GRM1: variants seen among roughly 807,000 people sequenced by gnomAD.
GRM1 encodes metabotropic glutamate receptor 1.
GRM1 carries 33 observed loss-of-function variants against 90.9 expected under a neutral mutation model. That is an observed-to-expected ratio of 0.36 (90% CI 0.28 to 0.49). The LOEUF (loss-of-function observed/expected upper bound fraction) is 0.49. Among genes scored for constraint, GRM1 ranks in the 20% least tolerant of loss-of-function variants. The pLI is 0.99. For synonymous variants in GRM1, 700 were observed against 613.2 expected (o/e 1.14, Z -2.09); for missense variants, 1,190 against 1,534.3 (o/e 0.78, Z 3.75).
At chr6:146,052,814 G>A (rs897602934) in intron 1 of GRM1, among the ~76,000 whole-genome samples, 1 of 151,762 alleles carries the variant, frequency 6.6e-6, no homozygotes, top group Non-Finnish European at 1.5e-5. Context: ...TTTACTTTGT[G>A]CCATTTCCTA....
intron 3 of GRM1, among the ~76,000 whole-genome samples, chr6:146,350,147 A>G (rs1236181396): frequency 2.0e-5 from 3 of 152,246 alleles, no homozygotes; most frequent in Admixed American, 6.5e-5. Context: ...AGTGCTGATG[A>G]ATGAAGTATC....
intron 5 of GRM1, among the ~76,000 whole-genome samples, chr6:146,373,177 C>T (rs747312112): frequency 3.9e-5 from 6 of 151,924 alleles, no homozygotes; most frequent in Non-Finnish European, 8.8e-5. Context: ...AGAGATCTTC[C>T]ACCTCTTTTG....
rs369810496 is a variant in GRM1, at chr6:146,385,811, G to A, written c.1603-1079G>A. On this transcript the variant is annotated intron_variant, in intron 5 of 7. Coordinates refer to ENST00000282753, the MANE Select transcript of GRM1 (RefSeq NM_001278064.2). ...AACCCAAAGGACGGGAGGGGAAAAT[G>A]GAAGAATATTACTGTAGGGTTCTTA... Among the ~76,000 whole-genome samples the A allele has an allele frequency of 5.3e-5, 8 of 152,048 alleles. No homozygotes were observed. In the East Asian group the frequency reaches 9.7e-4, roughly 18 times the overall value.
chr6:146,364,282 G>A (rs914095516), intron 5 of GRM1, among the ~76,000 whole-genome samples: 2 of 152,154 alleles, frequency 1.3e-5, no homozygotes, highest in East Asian at 1.9e-4. Context: ...AAAATTGCTT[G>A]TATGCATTTG....
At chr6:146,371,873 A>C (rs1016290989) in intron 5 of GRM1, among the ~76,000 whole-genome samples, 2 of 152,080 alleles carry the variant, frequency 1.3e-5, no homozygotes, top group Non-Finnish European at 2.9e-5. Flanking sequence ...GTTGATGAAC[A>C]TTTAGGTTGC....
chr6:146,118,723 G>A (rs1181748516), intron 1 of GRM1, among the ~76,000 whole-genome samples: 1 of 152,182 alleles, frequency 6.6e-6, no homozygotes, highest in Non-Finnish European at 1.5e-5. Context: ...AGTTTGCTGA[G>A]AATGATGGTT....
intron 7 of GRM1, among the ~76,000 whole-genome samples, chr6:146,411,329 C>CG (rs1448717646): frequency 1.3e-5 from 2 of 151,778 alleles, no homozygotes; most frequent in African/African-American, 4.8e-5. Flanking sequence ...GATGTAAAGA[C>CG]GGGAAAAAAA....
intron 5 of GRM1, among the ~76,000 whole-genome samples, chr6:146,367,104 T>C (rs1194664885): frequency 2.6e-5 from 4 of 152,172 alleles, no homozygotes; most frequent in Non-Finnish European, 4.4e-5. Flanking sequence ...GGTTTAGTTT[T>C]TTTTTCTTCT....
At chr6:146,270,719 A>T (rs1782084425) in intron 2 of GRM1, among the ~76,000 whole-genome samples, 1 of 152,140 alleles carries the variant, frequency 6.6e-6, no homozygotes, top group Non-Finnish European at 1.5e-5. Context: ...GAAACTACAA[A>T]CTAATTTTCA....
Position 146,399,081 on chromosome 6 carries a change from G to T in GRM1, c.2042G>T (p.Arg681Leu). 6.2e-7 allele frequency: 1 copy of T among 1,614,026 alleles called. No homozygotes were observed. Among genetic ancestry groups the T allele is most frequent in the Non-Finnish European group, 8.5e-7 (1 of 1,179,998 alleles). Residue 681 changes from arginine to leucine, a missense_variant, in exon 7 of 8, where the codon CGT (arginine) becomes CTT (leucine). This residue lies in a region of GRM1 where 414 missense variants were observed against 598.4 expected (regional missense o/e 0.69). Transcript: ENST00000282753. This position sits in a 1 kb window ranked among gnomAD's most constrained non-coding sequence, Gnocchi z 5.4. ...TCTGCTTTAGTGACTAAAACCAATCGTATTGCACGCATCCTGGCTGGCAGC... is the reference window on the plus strand; with the variant it reads ...TCTGCTTTAGTGACTAAAACCAATCTTATTGCACGCATCCTGGCTGGCAGC... ...CYSALVTKTN[R>L]IARILAGSKK...
intron 2 of GRM1, among the ~76,000 whole-genome samples, chr6:146,251,400 T>C (rs1162753600): frequency 6.6e-6 from 1 of 152,226 alleles, no homozygotes; most frequent in Admixed American, 6.5e-5. Flanking sequence ...GTCCTTGCAT[T>C]CATTCCATTT....
chr6:146,287,325 T>G (rs1782802984), intron 2 of GRM1, among the ~76,000 whole-genome samples: 1 of 152,220 alleles, frequency 6.6e-6, no homozygotes, highest in Non-Finnish European at 1.5e-5. Context: ...TAAGTCCTTC[T>G]CTGGGACCTT....
chr6:146,338,904 T>C (rs1008688787), intron 3 of GRM1, among the ~76,000 whole-genome samples: 2 of 152,152 alleles, frequency 1.3e-5, no homozygotes, highest in African/African-American at 4.8e-5. Flanking sequence ...CTCTGTGTCT[T>C]ATTCTTGCTT....
intron 2 of GRM1, among the ~76,000 whole-genome samples, chr6:146,165,704 C>G (rs1483816639): frequency 6.6e-6 from 1 of 152,086 alleles, no homozygotes; most frequent in Non-Finnish European, 1.5e-5. Flanking sequence ...GAAAATTACA[C>G]TGCTAGAAAA....
In GRM1 at chr6:146,376,069, G is replaced by A. The variant is rs146994715; in HGVS notation, c.1603-10821G>A. The stretch of plus-strand genomic sequence containing the variant: ...ATGTTTTTTGTTTTAAGGTTACAAT[G>A]AGGCTTGCAAATACTATCTTATAAC... On this transcript the variant is annotated intron_variant, in intron 5 of 7. Coordinates refer to ENST00000282753, the MANE Select transcript of GRM1 (RefSeq NM_001278064.2). 3.3e-3 allele frequency among the ~76,000 whole-genome samples: 500 copies of A among 151,972 alleles called. 5 individuals are homozygous for A. The highest frequency in any genetic ancestry group is 0.012 in the African/African-American group (479 of 41,468).
At chr6:146,421,364 TA>T (rs150439573) in intron 7 of GRM1, among the ~76,000 whole-genome samples, 2,812 of 152,236 alleles carry the variant, frequency 0.018, 90 homozygotes, top group African/African-American at 0.064. Context: ...TAATACTAGT[TA>T]TACATAATAC....
At chr6:146,302,808 G>A (rs1414883654) in intron 2 of GRM1, among the ~76,000 whole-genome samples, 2 of 151,774 alleles carry the variant, frequency 1.3e-5, no homozygotes, top group South Asian at 4.2e-4. Context: ...CTGGCACACA[G>A]TGACTGCTAG....
chr6:146,436,043 TA>T lies in GRM1; in HGVS notation c.*1251del, dbSNP rs1420406568. The T allele has an allele frequency of 1.3e-5, 2 of 152,654 alleles. No homozygotes were observed. The highest frequency in any genetic ancestry group is 2.9e-5 in the Non-Finnish European group (2 of 68,040). The allele number at this position is 152,654 out of a possible 1,614,324, so 9.5% of individuals were successfully genotyped here. On this transcript the variant is annotated 3_prime_UTR_variant, in exon 8 of 8. Transcript: ENST00000282753. Reference sequence around the variant, plus strand: ...CTGTGTCCTTGTATATGTGCGATCGTAAAATTTGTGCAATGTAATGTCAAAT... The same window carrying T: ...CTGTGTCCTTGTATATGTGCGATCGTAAATTTGTGCAATGTAATGTCAAAT...
intron 2 of GRM1, among the ~76,000 whole-genome samples, chr6:146,221,588 T>C (rs1780064133): frequency 6.6e-6 from 1 of 152,314 alleles, no homozygotes; most frequent in African/African-American, 2.4e-5. Flanking sequence ...CTTTATTCAG[T>C]CTATCATTGA....
Sources: gnomAD v4.1 joint callset for allele counts (sites outside exome capture counted in the v4.1 genomes callset) on GRCh38, gnomAD v4.1.1 for gene constraint, gnomAD v4.1.1 regional missense constraint, Gnocchi (gnomAD v3.1) non-coding constraint, MANE v1.5 for transcripts, NCBI Gene and HGNC (gene_info 2026-07-23, HGNC 2026-07-21) for gene names.